The following CRTC2 variants were observed in gnomAD, a reference collection of about 807,000 sequenced individuals.
The protein encoded by CRTC2 is CREB regulated transcription coactivator 2.
In CRTC2, 25 loss-of-function variants were observed where a neutral mutation model predicts 70.9. That is an observed-to-expected ratio of 0.35 (90% confidence interval 0.26 to 0.49). The LOEUF (loss-of-function observed/expected upper bound fraction) is 0.49, where lower values mean the gene tolerates loss of function less well. CRTC2 is among the 20% of genes least tolerant of loss of function. The pLI, the probability that CRTC2 is intolerant of heterozygous loss-of-function variation, is 0.98. For synonymous variants in CRTC2, 330 were observed against 364.1 expected, an observed-to-expected ratio of 0.91 and a Z score of 1.07; for missense variants, 737 against 882.6, an observed-to-expected ratio of 0.83 and a Z score of 2.09.
intron 13 of CRTC2, 28 bp from the exon 14 acceptor site, chr1:153,948,357 C>A (rs369100602): frequency 1.8e-5 from 29 of 1,613,268 alleles, no homozygotes; most frequent in Non-Finnish European, 2.2e-5. Flanking sequence ...AGGTGAGGAC[C>A]CCATGTCCTG....
At chr1:153,957,311 G>T (rs1680670271) in intron 1 of CRTC2, among the ~76,000 whole-genome samples, 1 of 152,052 alleles carries the variant, frequency 6.6e-6, no homozygotes, top group South Asian at 2.1e-4. Flanking sequence ...GCAGAAAAAG[G>T]CTAGAGATGT....
Position 153,952,075 on chromosome 1 carries a change from T to C in CRTC2, c.940A>G (p.Met314Val), listed in dbSNP as rs780799759. ...GNSTSNLTHT[M>V]THLGISRGMG... is the part of the protein sequence containing the mutation. Reference sequence around the variant, plus strand: ...CCCCTGCTGATGCCCAGGTGAGTCATGGTGTGGGTCAAATTGGAGGTACTG... The same window carrying C: ...CCCCTGCTGATGCCCAGGTGAGTCACGGTGTGGGTCAAATTGGAGGTACTG... The change falls in exon 10 of 14, where the codon ATG (methionine) becomes GTG (valine). Residue 314 changes from methionine to valine, a missense_variant. Met to Val is a conservative substitution (Grantham distance 21). This residue lies in a region of CRTC2 where 699 missense variants were observed against 823.7 expected (regional missense o/e 0.85). Coordinates refer to ENST00000368633, the MANE Select transcript of CRTC2 (RefSeq NM_181715.3). 9.3e-6 allele frequency: 15 copies of C among 1,613,952 alleles called. No homozygotes were observed. The highest frequency in any genetic ancestry group is 2.2e-5 in the South Asian group (2 of 91,076).
At chr1:153,951,134 G>A (rs188978948) in intron 11 of CRTC2, 126 bp downstream of exon 11, 81 of 1,025,912 alleles carry the variant, frequency 7.9e-5, no homozygotes, top group Admixed American at 1.8e-4. Flanking sequence ...GGGGCAGGCG[G>A]AGGACAGAGG....
intron 12 of CRTC2, chr1:153,948,852 T>C: frequency 1.3e-6 from 1 of 747,076 alleles, no homozygotes; most frequent in Non-Finnish European, 2.3e-6. Flanking sequence ...CCAGAGCATG[T>C]GCATGCCAGG....
chr1:153,948,461 T>C lies in CRTC2; in HGVS notation c.1858A>G (p.Thr620Ala). The C allele has an allele frequency of 6.2e-7, 1 of 1,605,124 alleles. No individual in the cohort carries two copies. The highest frequency in any genetic ancestry group is 1.3e-5 in the African/African-American group (1 of 74,738). Residue 620 changes from threonine to alanine, a missense_variant, in exon 13 of 14, where the codon ACA becomes GCA. Thr to Ala is a moderately conservative substitution (Grantham distance 58). This residue lies in a region of CRTC2 where 699 missense variants were observed against 823.7 expected (regional missense o/e 0.85). Transcript: ENST00000368633. The stretch of plus-strand genomic sequence containing the variant: ...ATCACCACCCACCCCCATTCACCTG[T>C]GAGGATGATGTTAGGCCCTGAGCCA... Reference protein sequence around the residue: ...RHGSGPNIILTGDSSPGFSKE... With the variant: ...RHGSGPNIILAGDSSPGFSKE...
chr1:153,958,114 A>G, intron 1 of CRTC2: 1 of 1,390,650 alleles, frequency 7.2e-7, no homozygotes, highest in Non-Finnish European at 9.3e-7. Flanking sequence ...CACCTCACGT[A>G]CTCGGCCCCC....
At chr1:153,954,643 G>A (rs1304660162) in intron 3 of CRTC2, among the ~76,000 whole-genome samples, 3 of 152,230 alleles carry the variant, frequency 2.0e-5, no homozygotes, top group Non-Finnish European at 4.4e-5. Context: ...AAGCTGATGT[G>A]AAGACAGCCA....
intron 1 of CRTC2, among the ~76,000 whole-genome samples, chr1:153,957,449 G>C (rs548991919): frequency 6.6e-6 from 1 of 152,236 alleles, no homozygotes; most frequent in Non-Finnish European, 1.5e-5. Context: ...ATACCACCTA[G>C]GCGGACTCCT....
rs777386699 is a variant in CRTC2 at position 153,949,138 on chromosome 1, T to C, written c.1651A>G (p.Met551Val). 31 of 1,610,754 alleles carry C rather than the reference T, an allele frequency of 1.9e-5. No individual in the cohort carries two copies. The Admixed American group carries it at 3.5e-4, about 18-fold the overall frequency. The change falls in exon 12 of 14, where the codon ATG becomes GTG. Residue 551 changes from methionine to valine, a missense_variant. Around this residue, in one of 3 missense-constraint regions of CRTC2, gnomAD observed 699 missense variants for 823.7 expected, o/e 0.85. Transcript: ENST00000368633. The stretch of plus-strand genomic sequence containing the variant: ...ACATTCCCCAGGTTGAAGTCACTCA[T>C]TGGCCGGTGGTAAGACTGTTGCCCA... The part of the protein sequence containing the change: ...GHGQQSYHRP[M>V]SDFNLGNLEQ...
chr1:153,949,641 G>T (rs978816726), intron 11 of CRTC2, among the ~76,000 whole-genome samples: 3 of 152,094 alleles, frequency 2.0e-5, no homozygotes, highest in African/African-American at 7.2e-5. Context: ...CTGAGGTCAG[G>T]AGTTCGAGAC....
In CRTC2 at chr1:153,952,148, G is replaced by C. The variant is rs764421849; in HGVS notation, c.867C>G (p.Thr289=). ...TNLHFPPPLP[T]PLDPEETAYP... is the part of the protein sequence containing the mutation. Reference sequence around the variant, plus strand: ...AGGCTGTCTCTTCAGGGTCCAGGGGGGTGGGCAGTGGTGGGGGAAAGTGCA... The same window carrying C: ...AGGCTGTCTCTTCAGGGTCCAGGGGCGTGGGCAGTGGTGGGGGAAAGTGCA... Residue 289 remains threonine (T), a synonymous_variant, in exon 10 of 14, where the codon ACC becomes ACG. Transcript: ENST00000368633. The C allele has an allele frequency of 6.2e-7, 1 of 1,614,102 alleles. No individual in the cohort carries two copies. Among genetic ancestry groups the C allele is most frequent in the Non-Finnish European group, 8.5e-7 (1 of 1,179,972 alleles).
Position 153,953,380 on chromosome 1 carries a change from A to T in CRTC2, c.504-11T>A. On this transcript the variant is annotated splice_polypyrimidine_tract_variant and intron_variant, in intron 5 of 13. Coordinates refer to ENST00000368633, the MANE Select transcript of CRTC2 (RefSeq NM_181715.3). ...GAGTCAGAGCTTGTCCTATGGGGGG[A>T]GCAGGAATGAGCTGACACCAGTGAC... 6.3e-7 allele frequency: 1 copy of T among 1,580,666 alleles called. No homozygotes were observed. Among genetic ancestry groups the T allele is most frequent in the African/African-American group, 1.4e-5 (1 of 73,764 alleles).
In CRTC2 at chr1:153,948,860, A is replaced by T. The variant is rs563198960; in HGVS notation, c.1675-216T>A. The T allele has an allele frequency of 2.6e-5, 19 of 744,878 alleles. No individual in the cohort carries two copies. The South Asian group carries it at 2.8e-4, about 11-fold the overall frequency. 46.1% of individuals were successfully genotyped at this position (744,878 alleles called of 1,614,324 possible). A position where few individuals can be genotyped will look rare whatever the true frequency, so the allele number is the denominator to read the frequency against. ...TGCTGGGCCAGAGCATGTGCATGCCAGGAAGAGAACGGGTCAAGGCAGAAG... is the reference window on the plus strand; with the variant it reads ...TGCTGGGCCAGAGCATGTGCATGCCTGGAAGAGAACGGGTCAAGGCAGAAG... On this transcript the variant is annotated intron_variant, in intron 12 of 13. Transcript: ENST00000368633.
chr1:153,953,186 A>G (rs1680448159), intron 6 of CRTC2, 80 bp downstream of exon 6: 4 of 778,560 alleles, frequency 5.1e-6, no homozygotes, highest in African/African-American at 1.8e-5. Context: ...CCGTCTCAAA[A>G]AAGAAAGAAA....
chr1:153,956,438 C>A (rs1039577593), intron 1 of CRTC2, among the ~76,000 whole-genome samples: 2 of 152,176 alleles, frequency 1.3e-5, no homozygotes, highest in South Asian at 2.1e-4. Flanking sequence ...TCAGCCCCTG[C>A]GACCAGCCAA....
At chr1:153,948,945 A>G (rs760157649) in intron 12 of CRTC2, 170 bp downstream of exon 12, 3 of 791,006 alleles carry the variant, frequency 3.8e-6, no homozygotes, top group South Asian at 2.9e-5. Context: ...ACGCAGGAAG[A>G]GAGGAGCCCC....
Position 153,951,448 on chromosome 1 carries a change from T to TGGAGGAGGAGGAAGA in CRTC2, c.1201_1215dup (p.Ser401_Ser405dup), listed in dbSNP as rs1008385072. 1 of 1,597,664 alleles carries TGGAGGAGGAGGAAGA rather than the reference T, an allele frequency of 6.3e-7. No homozygotes were observed. The highest frequency in any genetic ancestry group is 8.5e-7 in the Non-Finnish European group (1 of 1,172,244). ...GGGGCGCCCAAAACAGGAGATGAAGTGGAGGAGGAGGAAGAGGAGGAGGAG... is the reference window on the plus strand; with the variant it reads ...GGGGCGCCCAAAACAGGAGATGAAGTGGAGGAGGAGGAAGAGGAGGAGGAGGAAGAGGAGGAGGAG... On this transcript the variant is annotated inframe_insertion, in exon 11 of 14. Transcript: ENST00000368633.
chr1:153,955,625 A>T (rs983490906), intron 1 of CRTC2, among the ~76,000 whole-genome samples: 11 of 150,178 alleles, frequency 7.3e-5, no homozygotes, highest in Admixed American at 6.7e-5. Flanking sequence ...CTGCAGTGAG[A>T]CATGTTTATG....
At position 153,949,151 on chromosome 1, in the gene CRTC2, A is replaced by C; in HGVS notation, c.1638T>G (p.Ser546=). 1 of 1,612,768 alleles carries C rather than the reference A, an allele frequency of 6.2e-7. No individual in the cohort carries two copies. The highest frequency in any genetic ancestry group is 1.3e-5 in the African/African-American group (1 of 75,016). ...PPGPSGHGQQ[S]YHRPMSDFNL... ...TGAAGTCACTCATTGGCCGGTGGTA[A>C]GACTGTTGCCCATGCCCACTGGGCC... The change falls in exon 12 of 14, where the codon TCT becomes TCG. Residue 546 remains serine, a synonymous_variant. Transcript: ENST00000368633.
Sources: gnomAD v4.1 joint callset for allele counts (sites outside exome capture counted in the v4.1 genomes callset) on GRCh38, gnomAD v4.1.1 for gene constraint, gnomAD v4.1.1 regional missense constraint, MANE v1.5 for transcripts, NCBI Gene and HGNC (gene_info 2026-07-23, HGNC 2026-07-21) for gene names.